ACACA: variants seen among roughly 807,000 people sequenced by gnomAD.
The protein encoded by ACACA is acetyl-CoA carboxylase alpha.
Under a neutral mutation model 296.1 loss-of-function variants are expected in ACACA, and 103 were observed. The ratio of observed to expected loss-of-function variants is 0.35; its 90% CI spans 0.30 to 0.41. ACACA has a LOEUF of 0.41. Ranked by LOEUF, ACACA falls within the 10% of genes least tolerant of loss-of-function variation. The pLI is 1.00. For missense variants in ACACA, 1,554 were observed against 2,989.7 expected (o/e 0.52, Z 11.20); for synonymous variants, 953 against 1,038.6 (o/e 0.92, Z 1.58).
chr17:37,285,266 C>A (rs992605427), intron 3 of ACACA, among the ~76,000 whole-genome samples: 9 of 152,070 alleles, frequency 5.9e-5, no homozygotes, highest in Non-Finnish European at 1.3e-4. Flanking sequence ...ACCGTTAAAG[C>A]CAAAAAACAA....
At chr17:37,381,895 G>A (rs994661798) in intron 1 of ACACA, among the ~76,000 whole-genome samples, 23 of 151,922 alleles carry the variant, frequency 1.5e-4, no homozygotes, top group Admixed American at 1.4e-3. Context: ...CCAAAGTGCT[G>A]GGATTACAGG....
chr17:37,096,918 CTT>C (rs2082134105), intron 54 of ACACA, 76 bp downstream of exon 54: 22 of 1,576,964 alleles, frequency 1.4e-5, no homozygotes, highest in Non-Finnish European at 1.4e-5. Flanking sequence ...CCTGTGGACT[CTT>C]TGCTGGCGAG....
intron 12 of ACACA, 93 bp downstream of exon 12, chr17:37,259,267 G>A (rs1326457260): frequency 1.5e-6 from 2 of 1,360,862 alleles, no homozygotes; most frequent in Non-Finnish European, 2.1e-6. Context: ...ACTCAGATAG[G>A]AGGTGCTTTT....
At position 37,221,858 on chromosome 17, in the gene ACACA, C is replaced by T. The variant is rs941181384; in HGVS notation, c.3565-16G>A. ...GAACATACACCTGGTTCAAAAGAAA[C>T]CCTCAGTAAATAAATTTCAAAAACA... On this transcript the variant is annotated splice_polypyrimidine_tract_variant and intron_variant, in intron 28 of 55. Coordinates refer to ENST00000616317, the MANE Select transcript of ACACA (RefSeq NM_198834.3). The T allele has an allele frequency of 1.3e-6, 2 of 1,590,798 alleles. No homozygotes were observed. Among genetic ancestry groups the T allele is most frequent in the African/African-American group, 1.3e-5 (1 of 74,478 alleles).
In ACACA at chr17:37,098,365, C is replaced by T. The variant is rs12936483; in HGVS notation, c.6566-381G>A. Among the ~76,000 whole-genome samples, 1,139 of 152,372 alleles carry T rather than the reference C, an allele frequency of 7.5e-3. 7 individuals are homozygous for T. The highest frequency in any genetic ancestry group is 0.013 in the Non-Finnish European group (898 of 68,038). The stretch of plus-strand genomic sequence containing the variant: ...ACTTGTACACTGACACCATGCCCAT[C>T]CCTGCTGACCAGCATCAAAGCAGCT... On this transcript the variant is annotated intron_variant, in intron 52 of 55. Transcript: ENST00000616317.
chr17:37,398,281 C>CTT (rs777127866), intron 1 of ACACA, among the ~76,000 whole-genome samples: 1,360 of 79,140 alleles, frequency 0.017, 31 homozygotes, highest in African/African-American at 0.031. Flanking sequence ...TGTGGTATCA[C>CTT]TTTTTTTTTT....
At chr17:37,183,338 A>G (rs1428192553) in intron 39 of ACACA, among the ~76,000 whole-genome samples, 1 of 152,230 alleles carries the variant, frequency 6.6e-6, no homozygotes, top group East Asian at 1.9e-4. Context: ...CAGTTTGTCA[A>G]TATCTTATAA....
intron 2 of ACACA, 79 bp downstream of exon 2, chr17:37,339,725 A>G: frequency 2.2e-6 from 2 of 918,458 alleles, no homozygotes; most frequent in Middle Eastern, 2.5e-4. Flanking sequence ...TTTTAACACA[A>G]AAGCCTACAG....
chr17:37,210,026 A>G (rs1567818057), intron 30 of ACACA, among the ~76,000 whole-genome samples: 1 of 152,240 alleles, frequency 6.6e-6, no homozygotes, highest in Non-Finnish European at 1.5e-5. Context: ...GAGATCAGCT[A>G]TTTCTGGATC....
In ACACA at chr17:37,087,072, G is replaced by A. The variant is rs753432515; in HGVS notation, c.*244C>T. 11 of 603,548 alleles carry A rather than the reference G, an allele frequency of 1.8e-5. No individual in the cohort carries two copies. The highest frequency in any genetic ancestry group is 5.4e-5 in the Admixed American group (2 of 36,734). The allele number at this position is 603,548 out of a possible 1,614,324, so 37.4% of individuals were successfully genotyped here. ...GCCTTCTCAGTCCTGTGCAGGGAGT[G>A]GAGGACTAGGCCTGGCCAGGGTAAT... On this transcript the variant is annotated 3_prime_UTR_variant, in exon 56 of 56. Transcript: ENST00000616317.
chr17:37,379,508 G>GT (rs1310791274), intron 1 of ACACA: 109 of 1,273,792 alleles, frequency 8.6e-5, no homozygotes, highest in Admixed American at 1.4e-4. Context: ...GGGGTTGTTT[G>GT]TTTTTTTTCT....
chr17:37,193,016 T>C (rs1179365297), intron 36 of ACACA, among the ~76,000 whole-genome samples: 3 of 152,204 alleles, frequency 2.0e-5, no homozygotes, highest in African/African-American at 7.2e-5. Context: ...TCTGAAGTTT[T>C]GTATTTTAAA....
At chr17:37,377,343 T>G (rs1189391973) in intron 1 of ACACA, among the ~76,000 whole-genome samples, 1 of 152,164 alleles carries the variant, frequency 6.6e-6, no homozygotes, top group Non-Finnish European at 1.5e-5. Flanking sequence ...CAACTACTAC[T>G]TTGTATGTAT....
intron 5 of ACACA, among the ~76,000 whole-genome samples, chr17:37,281,451 T>TA (rs1277426599): frequency 2.6e-5 from 4 of 152,212 alleles, no homozygotes; most frequent in African/African-American, 9.6e-5. Context: ...TTATAGCACT[T>TA]ACCTCATTGT....
At position 37,406,640 on chromosome 17, in the gene ACACA, C is replaced by T; in HGVS notation, c.-341G>A. ...GCCCCACGCGCCAGGAAGCCTCAGG[C>T]AACGGGCCACGCGCCACACGGGCAA... On this transcript the variant is annotated 5_prime_UTR_variant, in exon 1 of 56. Transcript: ENST00000616317. 1 of 498,918 alleles carries T rather than the reference C, an allele frequency of 2.0e-6. No homozygotes were observed. 30.9% of individuals were successfully genotyped at this position (498,918 alleles called of 1,614,324 possible).
In ACACA at chr17:37,111,591, C is replaced by T; in HGVS notation, c.6505G>A (p.Asp2169Asn). 6.2e-7 allele frequency: 1 copy of T among 1,614,188 alleles called. No individual in the cohort carries two copies. Among genetic ancestry groups the T allele is most frequent in the Non-Finnish European group, 8.5e-7 (1 of 1,180,036 alleles). Residue 2169 changes from aspartate to asparagine, a missense_variant, in exon 52 of 56, where the codon GAT becomes AAT. Asp to Asn is a conservative substitution (Grantham distance 23, BLOSUM62 1). Transcript: ENST00000616317. Reference sequence around the variant, plus strand: ...ACCCGACGCATGGTTTTCACCAGATCCTTTCTGCGGAATTTGATTTCTACT... The same window carrying T: ...ACCCGACGCATGGTTTTCACCAGATTCTTTCTGCGGAATTTGATTTCTACT... ...GTVEIKFRRK[D>N]LVKTMRRVDP...
chr17:37,151,453 G>T (rs1292042063), intron 43 of ACACA, 32 bp from the exon 44 acceptor site: 1 of 1,611,308 alleles, frequency 6.2e-7, no homozygotes. Flanking sequence ...AATTATGAAT[G>T]TTAAACACAG....
At chr17:37,390,288 T>TATATATAATTATATATA in intron 1 of ACACA, among the ~76,000 whole-genome samples, 1 of 44,914 alleles carries the variant, frequency 2.2e-5, no homozygotes, top group South Asian at 5.9e-4. Context: ...TATATATAAT[T>TATATATAATTATATATA]ATATATTATA....
rs878993539 is a variant in ACACA, at chr17:37,244,580, A to T, written c.2742+8T>A. 6.2e-7 allele frequency: 1 copy of T among 1,614,084 alleles called. No homozygotes were observed. Among genetic ancestry groups the T allele is most frequent in the African/African-American group, 1.3e-5 (1 of 75,060 alleles). ...GTACATCCCTTCCCCAGGAGACGTG[A>T]TACATACCTTGCTGCTAAAGAAAGG... On this transcript the variant is annotated splice_region_variant and intron_variant, in intron 21 of 55. Coordinates refer to ENST00000616317, the MANE Select transcript of ACACA (RefSeq NM_198834.3).
Sources: gnomAD v4.1 joint callset for allele counts (sites outside exome capture counted in the v4.1 genomes callset) on GRCh38, gnomAD v4.1.1 for gene constraint, MANE v1.5 for transcripts, NCBI Gene and HGNC (gene_info 2026-07-23, HGNC 2026-07-21) for gene names.